The following UBR4 variants were observed in gnomAD, a reference collection of about 807,000 sequenced individuals.
UBR4 encodes the protein E3 ubiquitin-protein ligase UBR4.
A neutral mutation model predicts 575.6 loss-of-function variants in UBR4; 124 were observed. The observed-to-expected ratio is 0.22, with a 90% CI of 0.19 to 0.25. The LOEUF is 0.25. Among genes scored for constraint, UBR4 ranks in the 10% least tolerant of loss-of-function variants. UBR4 has a pLI of 1.00. For synonymous variants in UBR4, 2,455 were observed against 2,473.7 expected (o/e 0.99, Z 0.22); for missense variants, 4,818 against 6,478.8 (o/e 0.74, Z 8.80).
chr1:19,175,741 C>T (rs1435525703), intron 20 of UBR4, among the ~76,000 whole-genome samples: 3 of 152,074 alleles, frequency 2.0e-5, no homozygotes, highest in Non-Finnish European at 4.4e-5. Context: ...ATATACTGTA[C>T]CCTATGGCCA....
intron 103 of UBR4, chr1:19,080,204 G>C (rs139000354): frequency 6.6e-6 from 1 of 152,172 alleles, no homozygotes; most frequent in Non-Finnish European, 1.5e-5. Context: ...ATTAATTCAG[G>C]CTCTTGGGAA....
rs16862517 is a variant in UBR4 at position 19,088,945 on chromosome 1, C to T, written c.14244G>A (p.Leu4748=). 9.5e-3 allele frequency: 15,402 copies of T among 1,614,162 alleles called. 898 individuals are homozygous for T. In the African/African-American group the frequency reaches 0.15, roughly 16 times the overall value. Residue 4748 remains leucine, a synonymous_variant, in exon 98 of 106, where the codon CTG becomes CTA. Transcript: ENST00000375254. The surrounding 1 kb of genome is among the most constrained non-coding windows in gnomAD (Gnocchi z 4.0). ...VLIGTDSIPN[L]HKLEQVSSDE... ...CACTGGACACCTGCTCCAGCTTATG[C>T]AGGTTCGGGATGGAATCAGTTCCAA...
At chr1:19,121,864 G>T in intron 67 of UBR4, 70 bp downstream of exon 67, 1 of 1,537,066 alleles carries the variant, frequency 6.5e-7, no homozygotes, top group Non-Finnish European at 9.0e-7. Flanking sequence ...TTCAGTGCTT[G>T]GCATATAGTA....
At chr1:19,196,018 A>ACACACACACACACAC (rs1553232181) in intron 8 of UBR4, among the ~76,000 whole-genome samples, 9 of 130,796 alleles carry the variant, frequency 6.9e-5, no homozygotes, top group African/African-American at 2.5e-4. Context: ...ACACACACAC[A>ACACACACACACACAC]AACTTACGTA....
chr1:19,146,367 T>C (rs1001335125), intron 52 of UBR4, among the ~76,000 whole-genome samples: 3 of 152,102 alleles, frequency 2.0e-5, no homozygotes, highest in Non-Finnish European at 4.4e-5. Context: ...AATTTGACAA[T>C]GACAAAACAG....
Position 19,177,752 on chromosome 1 carries a change from G to C in UBR4, c.2355-9C>G, listed in dbSNP as rs2090427725. 2 of 1,609,500 alleles carry C rather than the reference G, an allele frequency of 1.2e-6. No homozygotes were observed. The highest frequency in any genetic ancestry group is 2.2e-5 in the South Asian group (2 of 90,926). On this transcript the variant is annotated splice_polypyrimidine_tract_variant and intron_variant, in intron 18 of 105. Transcript: ENST00000375254. ...TCATTGTAGACAAAAACCTACCAGA[G>C]AGAAAAGATGACTATATCTGGTGGG... is the stretch of plus-strand genomic sequence containing the variant.
intron 54 of UBR4, among the ~76,000 whole-genome samples, chr1:19,144,392 A>G (rs2084548424): frequency 6.6e-6 from 1 of 152,228 alleles, no homozygotes; most frequent in African/African-American, 2.4e-5. Flanking sequence ...TCAGATGATC[A>G]AGCCCCCAGC....
chr1:19,136,021 G>C (rs977824165), intron 60 of UBR4, among the ~76,000 whole-genome samples: 1 of 152,134 alleles, frequency 6.6e-6, no homozygotes. Flanking sequence ...TAACAAAAGC[G>C]AGGAAATAAC....
At chr1:19,144,214 G>A in intron 54 of UBR4, 123 bp from the exon 55 acceptor site, 1 of 799,098 alleles carries the variant, frequency 1.3e-6, no homozygotes, top group East Asian at 2.8e-5. Flanking sequence ...ACTCTCACCT[G>A]CAACCCAGCG....
In UBR4 at chr1:19,167,899, A is replaced by G. The variant is rs944976051; in HGVS notation, c.3899+128T>C. On this transcript the variant is annotated intron_variant, in intron 28 of 105. Transcript: ENST00000375254. ...AGGTAAGTGCTTATACTTTAAAGCA[A>G]CAGGTTCTTTTTGCTAAAGAAGTAT... 3.8e-6 allele frequency: 4 copies of G among 1,064,564 alleles called. No homozygotes were observed. In the Admixed American group the frequency reaches 8.3e-5, roughly 22 times the overall value. The allele number at this position is 1,064,564 out of a possible 1,614,324, so 65.9% of individuals were successfully genotyped here.
rs563024393 is a variant in UBR4, at chr1:19,202,531, G to C, written c.177-716C>G. Reference sequence around the variant, plus strand: ...AACTTAAAAGGAATCAACAACTCAAGATAAGAAGTCATATGATCAGTGCTA... The same window carrying C: ...AACTTAAAAGGAATCAACAACTCAACATAAGAAGTCATATGATCAGTGCTA... On this transcript the variant is annotated intron_variant, in intron 1 of 105. Transcript: ENST00000375254. Among the ~76,000 whole-genome samples the C allele has an allele frequency of 7.9e-4, 120 of 152,238 alleles. 2 individuals carry two copies. Among genetic ancestry groups the C allele is most frequent in the African/African-American group, 2.6e-3 (107 of 41,534 alleles).
intron 25 of UBR4, 110 bp downstream of exon 25, chr1:19,172,753 GA>G: frequency 2.4e-5 from 27 of 1,123,652 alleles, no homozygotes; most frequent in South Asian, 4.4e-5. Flanking sequence ...TATACGTGGG[GA>G]AAAAAACCCC....
chr1:19,103,914 T>C (rs1316163617), intron 87 of UBR4, among the ~76,000 whole-genome samples, 170 bp downstream of exon 87: 3 of 152,248 alleles, frequency 2.0e-5, no homozygotes, highest in Admixed American at 6.5e-5. Context: ...CTCTAGAATT[T>C]AAAATTCCAA....
At position 19,154,976 on chromosome 1, in the gene UBR4, C is replaced by T. The variant is rs147103903; in HGVS notation, c.6400G>A (p.Ala2134Thr). The change falls in exon 44 of 106, where the codon GCC (alanine) becomes ACC (threonine). Residue 2134 changes from alanine to threonine, a missense_variant. Around this residue, in one of 29 missense-constraint regions of UBR4, gnomAD observed 461 missense variants for 606.9 expected, o/e 0.76. Transcript: ENST00000375254. ...FSYCQGKSFAATISRTTLEVL... is the reference protein window; with the variant it reads ...FSYCQGKSFATTISRTTLEVL... Reference sequence around the variant, plus strand: ...TCCAGGGTTGTCCTGCTGATGGTGGCTGCGAATGATTTGCCTTGACAATAG... The same window carrying T: ...TCCAGGGTTGTCCTGCTGATGGTGGTTGCGAATGATTTGCCTTGACAATAG... The T allele has an allele frequency of 6.2e-7, 1 of 1,614,156 alleles. No individual in the cohort carries two copies. The highest frequency in any genetic ancestry group is 2.2e-5 in the East Asian group (1 of 44,882).
chr1:19,121,200 TTTTC>T lies in UBR4; in HGVS notation c.10126_10129del (p.Glu3376ArgfsTer20). ...AGGGTGACCCTTACCATCTTTCTCC[TTTTC>T]TTTTTCTTCTTTCTTGCTCTTTTTA... On this transcript the variant is annotated frameshift_variant, in exon 68 of 106. Transcript: ENST00000375254. LOFTEE classifies it high-confidence loss of function. The T allele has an allele frequency of 6.2e-7, 1 of 1,613,834 alleles. No individual in the cohort carries two copies.
intron 90 of UBR4, among the ~76,000 whole-genome samples, chr1:19,099,030 A>G (rs560967324): frequency 6.6e-6 from 1 of 152,196 alleles, no homozygotes; most frequent in Non-Finnish European, 1.5e-5. Context: ...GGACCATCTA[A>G]TACTTCCATA....
chr1:19,190,312 A>AAAAAATAT, intron 11 of UBR4, among the ~76,000 whole-genome samples: 9 of 79,886 alleles, frequency 1.1e-4, no homozygotes, highest in South Asian at 4.2e-4. Flanking sequence ...AAAAAAAAAA[A>AAAAAATAT]ATATATATAT....
Position 19,184,660 on chromosome 1 carries a change from C to T in UBR4, c.1938+439G>A, listed in dbSNP as rs553139739. Among the ~76,000 whole-genome samples the T allele has an allele frequency of 3.9e-5, 6 of 152,262 alleles. No individual in the cohort carries two copies. In the South Asian group the frequency reaches 1.2e-3, roughly 32 times the overall value. On this transcript the variant is annotated intron_variant, in intron 15 of 105. Transcript: ENST00000375254. ...ATGAAGGCAAGAACTGTATCTGACTCACTCACATCATCAGAACGGGGACTG... is the reference window on the plus strand; with the variant it reads ...ATGAAGGCAAGAACTGTATCTGACTTACTCACATCATCAGAACGGGGACTG...
At chr1:19,127,306 C>T (rs898228707) in intron 63 of UBR4, among the ~76,000 whole-genome samples, 15 of 152,156 alleles carry the variant, frequency 9.9e-5, no homozygotes, top group African/African-American at 3.6e-4. Context: ...TATTACCATA[C>T]CTTATAGCAA....
Sources: gnomAD v4.1 joint callset for allele counts (sites outside exome capture counted in the v4.1 genomes callset) on GRCh38, gnomAD v4.1.1 for gene constraint, gnomAD v4.1.1 regional missense constraint, Gnocchi (gnomAD v3.1) non-coding constraint, MANE v1.5 for transcripts, NCBI Gene and HGNC (gene_info 2026-07-23, HGNC 2026-07-21) for gene names.